The following ZC3H14 variants were observed in gnomAD, a reference collection of about 807,000 sequenced individuals.
ZC3H14 encodes zinc finger CCCH domain-containing protein 14.
ZC3H14 carries 31 observed loss-of-function variants against 92.4 expected under a neutral mutation model. That is an observed-to-expected ratio of 0.34 (90% CI 0.25 to 0.45). ZC3H14 has a LOEUF of 0.45. Among genes scored for constraint, ZC3H14 ranks in the 20% least tolerant of loss-of-function variants. ZC3H14 has a pLI of 1.00. For missense variants in ZC3H14, 781 were observed against 897.3 expected (o/e 0.87, Z 1.66); for synonymous variants, 321 against 300.9 (o/e 1.07, Z -0.69).
chr14:88,563,466 C>T (rs2079134550), intron 1 of ZC3H14, 185 bp from the exon 2 acceptor site: 4 of 1,442,058 alleles, frequency 2.8e-6, no homozygotes, highest in Middle Eastern at 5.1e-4. Flanking sequence ...GTGGGCGCCG[C>T]GGGGCTGGGG....
chr14:88,563,736 T>G (rs1448496381), intron 2 of ZC3H14, 43 bp downstream of exon 2: 1 of 1,582,810 alleles, frequency 6.3e-7, no homozygotes, highest in Admixed American at 1.7e-5. Context: ...ATTTAGAGTT[T>G]GCAGCTAATA....
chr14:88,594,457 T>G, intron 9 of ZC3H14: 1 of 1,282,758 alleles, frequency 7.8e-7, no homozygotes, highest in South Asian at 1.6e-5. Flanking sequence ...GCCCTACGTA[T>G]TAGGGCTTCT....
intron 9 of ZC3H14, among the ~76,000 whole-genome samples, chr14:88,586,005 T>C (rs1030906613): frequency 2.0e-5 from 3 of 152,092 alleles, no homozygotes; most frequent in Non-Finnish European, 4.4e-5. Flanking sequence ...CTGTCTCTAC[T>C]AAAAATAGAA....
intron 8 of ZC3H14, among the ~76,000 whole-genome samples, chr14:88,576,199 C>T (rs927275735): frequency 2.0e-5 from 3 of 151,958 alleles, no homozygotes; most frequent in East Asian, 1.9e-4. Flanking sequence ...ATATATAGTA[C>T]GTAAATATTT....
At chr14:88,571,389 C>T (rs1210510136) in intron 4 of ZC3H14, among the ~76,000 whole-genome samples, 1 of 151,970 alleles carries the variant, frequency 6.6e-6, no homozygotes, top group African/African-American at 2.4e-5. Context: ...AAGGATATTT[C>T]AGTATTTTAT....
chr14:88,576,040 G>C, intron 8 of ZC3H14, 100 bp downstream of exon 8: 1 of 1,058,846 alleles, frequency 9.4e-7, no homozygotes, highest in Admixed American at 2.1e-5. Flanking sequence ...AAAGGTGCCT[G>C]TCAGATGTCA....
rs200142330 is a variant in ZC3H14 at position 88,563,104 on chromosome 14, C to T, written c.-30C>T. 1,765 of 1,576,066 alleles carry T rather than the reference C, an allele frequency of 1.1e-3. 20 individuals are homozygous for T. The African/African-American group carries it at 0.022, about 19-fold the overall frequency. ...GCCTCCGGGTAAGCCAAGCGCCGCG[C>T]AGTGCTGAGTTCCCGCACGCCGCAG... is the stretch of plus-strand genomic sequence containing the variant. On this transcript the variant is annotated 5_prime_UTR_variant, in exon 1 of 17. Transcript: ENST00000251038.
chr14:88,602,217 A>C, intron 11 of ZC3H14, 134 bp downstream of exon 11: 1 of 1,191,924 alleles, frequency 8.4e-7, no homozygotes. Context: ...TAGCTAGCCC[A>C]TGAATAGTTA....
Position 88,622,516 on chromosome 14 carries a change from G to T in ZC3H14, c.*10765G>T. 1 of 1,053,506 alleles carries T rather than the reference G, an allele frequency of 9.5e-7. No individual in the cohort carries two copies. Among genetic ancestry groups the T allele is most frequent in the Non-Finnish European group, 1.3e-6 (1 of 746,428 alleles). The allele number at this position is 1,053,506 out of a possible 1,614,324, so 65.3% of individuals were successfully genotyped here. ...CCATCGTTATGCATTATTAAGTATT[G>T]TTCATTAGGCTGCAAAGGGTGAGGG... On this transcript the variant is annotated 3_prime_UTR_variant, in exon 17 of 17. Transcript: ENST00000251038.
rs200522771 is a variant in ZC3H14 at position 88,604,443 on chromosome 14, T to TTC, written c.1747+1384_1747+1385dup. ...CAGGAGTCTCTAGTCTCTGCACCACTTCCCCTGTGAGCAGGGAGTTTGAAA... is the reference window on the plus strand; with the variant it reads ...CAGGAGTCTCTAGTCTCTGCACCACTTCTCCCCTGTGAGCAGGGAGTTTGAAA... On this transcript the variant is annotated intron_variant, in intron 12 of 16. Transcript: ENST00000251038. 4.7e-4 allele frequency among the ~76,000 whole-genome samples: 71 copies of TTC among 152,210 alleles called. No individual in the cohort carries two copies. The East Asian group carries it at 0.01, about 22-fold the overall frequency.
intron 9 of ZC3H14, among the ~76,000 whole-genome samples, chr14:88,596,420 G>T (rs987382135): frequency 1.3e-5 from 2 of 152,132 alleles, no homozygotes; most frequent in Non-Finnish European, 2.9e-5. Context: ...GCCACAAGGT[G>T]CCTTTTCCTG....
chr14:88,598,613 T>C (rs1005012651), intron 10 of ZC3H14, among the ~76,000 whole-genome samples: 1 of 152,228 alleles, frequency 6.6e-6, no homozygotes, highest in Non-Finnish European at 1.5e-5. Flanking sequence ...GGAAATCTAA[T>C]TGCCTTTAAA....
Position 88,574,809 on chromosome 14 carries a change from A to T in ZC3H14, c.978A>T (p.Gly326=), listed in dbSNP as rs768397583. 1 of 1,614,230 alleles carries T rather than the reference A, an allele frequency of 6.2e-7. No homozygotes were observed. Among genetic ancestry groups the T allele is most frequent in the Non-Finnish European group, 8.5e-7 (1 of 1,180,026 alleles). Residue 326 remains glycine, a synonymous_variant, in exon 7 of 17, where the codon GGA becomes GGT. Coordinates refer to ENST00000251038, the MANE Select transcript of ZC3H14 (RefSeq NM_024824.5). ...EEDDDYGSRT[G]SISSSVSVPA... Reference sequence around the variant, plus strand: ...ATGATGATTACGGGTCTCGAACAGGAAGCATCTCCAGCAGTGTGTCTGTGC... The same window carrying T: ...ATGATGATTACGGGTCTCGAACAGGTAGCATCTCCAGCAGTGTGTCTGTGC...
chr14:88,572,062 A>G lies in ZC3H14; in HGVS notation c.268A>G (p.Ile90Val). The G allele has an allele frequency of 6.2e-7, 1 of 1,614,148 alleles. No homozygotes were observed. The highest frequency in any genetic ancestry group is 8.5e-7 in the Non-Finnish European group (1 of 1,180,034). Residue 90 changes from isoleucine (I) to valine (V), a missense_variant, in exon 5 of 17, where the codon ATC becomes GTC. Physicochemically the swap from Ile to Val is conservative, Grantham distance 29. Coordinates refer to ENST00000251038, the MANE Select transcript of ZC3H14 (RefSeq NM_024824.5). Reference protein sequence around the residue: ...PSSLKSSDTNIFDSNVPSNKS... With the variant: ...PSSLKSSDTNVFDSNVPSNKS... ...TAGTCTGAAGTCTTCTGATACCAAC[A>G]TCTTTGATAGTAACGTGCCTTCAAA...
intron 1 of ZC3H14, 48 bp downstream of exon 1, chr14:88,563,217 G>C: frequency 1.9e-6 from 3 of 1,583,268 alleles, no homozygotes; most frequent in Non-Finnish European, 2.6e-6. Flanking sequence ...TCGGCGAGCG[G>C]GCGGTTGTCA....
chr14:88,579,750 A>G (rs73317793), intron 9 of ZC3H14, among the ~76,000 whole-genome samples: 2 of 152,354 alleles, frequency 1.3e-5, no homozygotes, highest in Middle Eastern at 3.4e-3. Context: ...GAAAAGTATC[A>G]AGGTCAAGTC....
At chr14:88,596,868 TA>T in intron 10 of ZC3H14, 60 bp downstream of exon 10, 2 of 1,368,858 alleles carry the variant, frequency 1.5e-6, no homozygotes, top group South Asian at 2.3e-5. Flanking sequence ...TTCCATTTCT[TA>T]CACCCCATTT....
Position 88,618,893 on chromosome 14 carries a change from G to C in ZC3H14, c.*7142G>C. The C allele has an allele frequency of 7.1e-7, 1 of 1,401,654 alleles. No individual in the cohort carries two copies. Among genetic ancestry groups the C allele is most frequent in the Non-Finnish European group, 9.5e-7 (1 of 1,055,586 alleles). The allele number at this position is 1,401,654 out of a possible 1,614,324, so 86.8% of individuals were successfully genotyped here. ...TAAGATCAGTGACTTTTCCTTTCTAGTTCTTAAAAGTAACGTGTGATAAGG... is the reference window on the plus strand; with the variant it reads ...TAAGATCAGTGACTTTTCCTTTCTACTTCTTAAAAGTAACGTGTGATAAGG... On this transcript the variant is annotated 3_prime_UTR_variant, in exon 17 of 17. Transcript: ENST00000251038.
At chr14:88,586,462 TGTTA>T (rs1294984576) in intron 9 of ZC3H14, 2 of 152,210 alleles carry the variant, frequency 1.3e-5, no homozygotes, top group Non-Finnish European at 2.9e-5. Flanking sequence ...AAATCTAGGT[TGTTA>T]GTTATTTGCT....
Sources: allele counts gnomAD v4.1 joint callset (sites outside exome capture counted in the v4.1 genomes callset), GRCh38; gene constraint gnomAD v4.1.1; transcripts MANE v1.5; gene names NCBI Gene and HGNC (gene_info 2026-07-23, HGNC 2026-07-21).